The following PDE1C variants were observed in gnomAD, a reference collection of about 807,000 sequenced individuals.
The protein encoded by PDE1C is dual specificity calcium/calmodulin-dependent 3',5'-cyclic nucleotide phosphodiesterase 1C.
PDE1C carries 62 observed loss-of-function variants against 93.1 expected under a neutral mutation model. The observed-to-expected ratio is 0.67, with a 90% CI of 0.54 to 0.82. PDE1C has a LOEUF of 0.82. Among genes scored for constraint, PDE1C ranks in the 40% least tolerant of loss-of-function variants. PDE1C has a pLI of 0.00. For synonymous variants in PDE1C, 325 were observed against 310.1 expected (o/e 1.05, Z -0.50); for missense variants, 742 against 884.6 (o/e 0.84, Z 2.04).
chr7:32,149,721 A>G (rs1801122401), intron 3 of PDE1C, among the ~76,000 whole-genome samples: 1 of 152,238 alleles, frequency 6.6e-6, no homozygotes, highest in South Asian at 2.1e-4. Flanking sequence ...ACGTTCATAA[A>G]GAAAGTCCAT....
intron 1 of PDE1C, among the ~76,000 whole-genome samples, chr7:32,270,205 C>T (rs1810868297): frequency 6.6e-6 from 1 of 151,676 alleles, no homozygotes; most frequent in Admixed American, 6.6e-5. Flanking sequence ...ACTCCAAAAT[C>T]CGACAGTATT....
intron 2 of PDE1C, among the ~76,000 whole-genome samples, chr7:31,985,879 T>C (rs1052313354): frequency 6.6e-6 from 1 of 152,134 alleles, no homozygotes; most frequent in African/African-American, 2.4e-5. Context: ...CACAATAATG[T>C]TTTTTAAAAG....
chr7:31,743,191 A>G, the PDE1C span, among the ~76,000 whole-genome samples: 1 of 152,190 alleles, frequency 6.6e-6, no homozygotes, highest in Non-Finnish European at 1.5e-5. Context: ...GGATCCTGCT[A>G]AGTCTTTGTA....
chr7:32,131,819 C>G (rs772504872), intron 3 of PDE1C, among the ~76,000 whole-genome samples: 1 of 152,054 alleles, frequency 6.6e-6, no homozygotes, highest in African/African-American at 2.4e-5. Flanking sequence ...GTTTTAGACA[C>G]TGGGGACACA....
the PDE1C span, among the ~76,000 whole-genome samples, chr7:31,703,501 AT>A: frequency 1.3e-5 from 2 of 152,252 alleles, no homozygotes; most frequent in African/African-American, 4.8e-5. Context: ...AATTCCTTGA[AT>A]CAGCAAATCT....
rs575896243 is a variant in PDE1C, at chr7:32,389,157, C to CGTGTGTGTGTGTGTGTGT, written c.310+38647_310+38664dup. 8.0e-3 allele frequency among the ~76,000 whole-genome samples: 1,084 copies of CGTGTGTGTGTGTGTGTGT among 135,666 alleles called. 15 individuals carry two copies. Among genetic ancestry groups the CGTGTGTGTGTGTGTGTGT allele is most frequent in the Non-Finnish European group, 9.2e-3 (589 of 63,692 alleles). 89.0% of individuals were successfully genotyped at this position (135,666 alleles called of 152,430 possible). A position where few individuals can be genotyped will look rare whatever the true frequency, so the allele number is the denominator to read the frequency against. On this transcript the variant is annotated intron_variant, in intron 1 of 1. Transcript: ENST00000672256. Reference sequence around the variant, plus strand: ...GAACAACCTTTAAACTGATAGCTGACGTGTGTGTGTGTGTGTGTGTGTGTG... The same window carrying CGTGTGTGTGTGTGTGTGT: ...GAACAACCTTTAAACTGATAGCTGACGTGTGTGTGTGTGTGTGTGTGTGTGTGTGTGTGTGTGTGTGTG...
chr7:32,025,061 G>T (rs555623033), intron 2 of PDE1C, among the ~76,000 whole-genome samples: 1 of 152,058 alleles, frequency 6.6e-6, no homozygotes, highest in Non-Finnish European at 1.5e-5. Flanking sequence ...ACTGACAGAA[G>T]AGGCAAATTT....
intron 1 of PDE1C, among the ~76,000 whole-genome samples, chr7:32,416,119 T>C (rs186581976): frequency 6.6e-6 from 1 of 151,918 alleles, no homozygotes; most frequent in Non-Finnish European, 1.5e-5. Context: ...AGCCTGGGAG[T>C]TGGTCATGAG....
At chr7:31,657,279 G>C in the PDE1C span, among the ~76,000 whole-genome samples, 1 of 148,834 alleles carries the variant, frequency 6.7e-6, no homozygotes, top group African/African-American at 2.5e-5. Context: ...TAAATCAATG[G>C]TTTGTCATGG....
chr7:32,172,184 G>C (rs1405582508), intron 2 of PDE1C, among the ~76,000 whole-genome samples: 2 of 151,864 alleles, frequency 1.3e-5, no homozygotes, highest in African/African-American at 4.8e-5. Flanking sequence ...GCTTGTTCTG[G>C]TTATGTCTAC....
intron 6 of PDE1C, among the ~76,000 whole-genome samples, chr7:31,865,965 A>AGATATTG (rs1371133501): frequency 1.2e-4 from 18 of 152,310 alleles, no homozygotes; most frequent in African/African-American, 4.3e-4. Flanking sequence ...ACTACCAGTC[A>AGATATTG]CTCAGAATAT....
intron 14 of PDE1C, among the ~76,000 whole-genome samples, 185 bp from the exon 15 acceptor site, chr7:31,816,339 T>C (rs1168546601): frequency 6.6e-6 from 1 of 151,950 alleles, no homozygotes; most frequent in Non-Finnish European, 1.5e-5. Context: ...TTCATAATGA[T>C]GTCATTCTGA....
intron 1 of PDE1C, among the ~76,000 whole-genome samples, chr7:32,417,398 G>C (rs1255800672): frequency 6.6e-6 from 1 of 151,846 alleles, no homozygotes; most frequent in Admixed American, 6.6e-5. Context: ...CACCTGTTGA[G>C]CACTGACTCT....
chr7:31,617,858 AAG>A, the PDE1C span, among the ~76,000 whole-genome samples: 2 of 152,228 alleles, frequency 1.3e-5, no homozygotes, highest in African/African-American at 4.8e-5. Context: ...ACCTATTAAG[AAG>A]AGAGTTACTT....
chr7:31,919,969 G>A (rs1166759688), intron 2 of PDE1C, among the ~76,000 whole-genome samples: 1 of 152,164 alleles, frequency 6.6e-6, no homozygotes, highest in Non-Finnish European at 1.5e-5. Flanking sequence ...CTGTCTTAAG[G>A]AAGATTCCTG....
chr7:32,095,400 T>C (rs200353239), intron 3 of PDE1C, among the ~76,000 whole-genome samples: 332 of 152,294 alleles, frequency 2.2e-3, no homozygotes, highest in African/African-American at 7.9e-3. Context: ...CCTGCCTTAA[T>C]CCTCAGTCCC....
At chr7:32,413,488 A>G (rs543124781) in intron 1 of PDE1C, among the ~76,000 whole-genome samples, 7 of 152,232 alleles carry the variant, frequency 4.6e-5, no homozygotes, top group South Asian at 4.1e-4. Context: ...AGCAAATACA[A>G]TATGATTCCT....
chr7:31,731,295 C>T, the PDE1C span, among the ~76,000 whole-genome samples: 3 of 151,998 alleles, frequency 2.0e-5, no homozygotes, highest in South Asian at 2.1e-4. Flanking sequence ...TCAACTGGCC[C>T]GTTCATTTAG....
intron 1 of PDE1C, among the ~76,000 whole-genome samples, chr7:32,369,246 T>A (rs1274434134): frequency 6.6e-6 from 1 of 152,158 alleles, no homozygotes; most frequent in East Asian, 1.9e-4. Context: ...TACCCATCCA[T>A]CCAACAGGGG....
Sources: allele counts gnomAD v4.1 joint callset (sites outside exome capture counted in the v4.1 genomes callset), GRCh38; gene constraint gnomAD v4.1.1; transcripts MANE v1.5; gene names NCBI Gene and HGNC (gene_info 2026-07-23, HGNC 2026-07-21).